OSR1: variants seen among roughly 807,000 people sequenced by gnomAD.
The protein encoded by OSR1 is odd-skipped related transcription factor 1, also known as protein odd-skipped-related 1.
Under a neutral mutation model 15.7 loss-of-function variants are expected in OSR1, and 3 were observed. That is an observed-to-expected ratio of 0.19 (90% confidence interval 0.09 to 0.50). The LOEUF (loss-of-function observed/expected upper bound fraction) is 0.50. Ranked by LOEUF, OSR1 falls within the 20% of genes least tolerant of loss-of-function variation. OSR1 has a pLI of 0.97. For synonymous variants in OSR1, 166 were observed against 152.7 expected, an observed-to-expected ratio of 1.09 and a Z score of -0.64; for missense variants, 271 against 351.1, an observed-to-expected ratio of 0.77 and a Z score of 1.82.
At chr2:19,353,886 C>T in intron 1 of OSR1, 49 bp from the exon 2 acceptor site, 1 of 1,432,888 alleles carries the variant, frequency 7.0e-7, no homozygotes, top group Non-Finnish European at 9.3e-7. Context: ...TAAAGAAGTT[C>T]AGGGTGGGTC....
chr2:19,349,542 G>A (rs78842761), downstream of OSR1, among the ~76,000 whole-genome samples: 1,165 of 152,336 alleles, frequency 7.6e-3, 16 homozygotes, highest in African/African-American at 0.027. Flanking sequence ...TTCAGTTGCA[G>A]ACCTTGGACT....
chr2:19,346,975 T>C (rs574048973), downstream of OSR1, among the ~76,000 whole-genome samples: 53 of 152,328 alleles, frequency 3.5e-4, no homozygotes, highest in African/African-American at 1.2e-3. Context: ...CATAGGGCCA[T>C]GACACATCAT....
At chr2:19,347,180 G>C (rs1387951730), downstream of OSR1, among the ~76,000 whole-genome samples, 3 of 152,174 alleles carry the variant, frequency 2.0e-5, no homozygotes, top group South Asian at 2.1e-4. Context: ...TTGGGAGGCA[G>C]GCTACGTCAA....
chr2:19,353,574 T>C lies in OSR1; in HGVS notation c.232A>G (p.Ser78Gly). 1 of 1,614,180 alleles carries C rather than the reference T, an allele frequency of 6.2e-7. No homozygotes were observed. Among genetic ancestry groups the C allele is most frequent in the Non-Finnish European group, 8.5e-7 (1 of 1,180,020 alleles). The change falls in exon 2 of 3, where the codon AGC (serine) becomes GGC (glycine). Residue 78 changes from serine to glycine, a missense_variant. By Grantham distance (56) the Ser-to-Gly change is moderately conservative. Transcript: ENST00000272223. ...SFSKVPGTVS[S>G]LVDARFQLPA... ...AGCTGGAAGCGCGCATCCACCAAGC[T>C]GGACACCGTGCCCGGCACTTTGGAG...
intron 1 of OSR1, chr2:19,355,739 A>G (rs1164485855): frequency 2.6e-5 from 4 of 152,282 alleles, no homozygotes; most frequent in African/African-American, 9.6e-5. Context: ...TCTGAAGCAG[A>G]GCGCTGGTGC....
chr2:19,356,039 A>C (rs1049584803), intron 1 of OSR1: 1 of 152,150 alleles, frequency 6.6e-6, no homozygotes, highest in Admixed American at 6.6e-5. Flanking sequence ...CGGGTCCCGG[A>C]CCCCGCTGGG....
At position 19,353,364 on chromosome 2, in the gene OSR1, C is replaced by A. The variant is rs1267644701; in HGVS notation, c.442G>T (p.Gly148Cys). The A allele has an allele frequency of 6.2e-7, 1 of 1,614,186 alleles. No homozygotes were observed. Among genetic ancestry groups the A allele is most frequent in the Non-Finnish European group, 8.5e-7 (1 of 1,180,010 alleles). ...EGPGSPAGGLGALLDVTKLSP... is the reference protein window; with the variant it reads ...EGPGSPAGGLCALLDVTKLSP... ...AGCTTGGTCACGTCGAGGAGGGCAC[C>A]CAGCCCACCTGCAGGGGAGCCTGGG... Residue 148 changes from glycine to cysteine, a missense_variant, in exon 2 of 3, where the codon GGT becomes TGT. Physicochemically the swap from Gly to Cys is radical, Grantham distance 159. This residue lies in a region of OSR1 where 210 missense variants were observed against 218.4 expected (regional missense o/e 0.96). Coordinates refer to ENST00000272223, the MANE Select transcript of OSR1 (RefSeq NM_145260.3).
intron 1 of OSR1, 90 bp from the exon 2 acceptor site, chr2:19,353,927 C>T (rs1257460659): frequency 1.9e-6 from 2 of 1,076,530 alleles, no homozygotes; most frequent in East Asian, 5.2e-5. Context: ...CCGAGCCACA[C>T]CCTCTCCTCA....
intron 1 of OSR1, chr2:19,355,051 C>T (rs45567034): frequency 5.9e-5 from 9 of 152,254 alleles, no homozygotes; most frequent in Admixed American, 5.2e-4. Context: ...AAATGCTTTT[C>T]ATCTCTACCT....
chr2:19,348,095 C>A (rs1318080683), downstream of OSR1, among the ~76,000 whole-genome samples: 1 of 152,010 alleles, frequency 6.6e-6, no homozygotes, highest in South Asian at 2.1e-4. Context: ...CCGCAGTGGG[C>A]GCGGCCATAG....
chr2:19,345,920 T>C, the OSR1 span, among the ~76,000 whole-genome samples: 3 of 152,248 alleles, frequency 2.0e-5, no homozygotes, highest in South Asian at 4.1e-4. Flanking sequence ...CCAAATTCTC[T>C]GGAAGTTCAT....
chr2:19,349,902 C>T (rs1298588108), downstream of OSR1, among the ~76,000 whole-genome samples: 1 of 152,184 alleles, frequency 6.6e-6, no homozygotes, highest in Non-Finnish European at 1.5e-5. Context: ...GCAGTTGACC[C>T]TAGTACAAGC....
the OSR1 span, among the ~76,000 whole-genome samples, chr2:19,345,035 ATATATATAATTTTTGTATATATG>A: frequency 1.3e-5 from 2 of 152,158 alleles, no homozygotes; most frequent in African/African-American, 4.8e-5. Context: ...ATGTGTGTAC[ATATATATAATTTTTGTATATATG>A]TATATATAAT....
downstream of OSR1, among the ~76,000 whole-genome samples, chr2:19,348,014 C>T (rs182268744): frequency 5.3e-4 from 81 of 152,378 alleles, no homozygotes; most frequent in African/African-American, 1.9e-3. Flanking sequence ...ACTCCGGCAC[C>T]AGCAGCACTG....
chr2:19,353,893 G>A lies in OSR1; in HGVS notation c.-32-56C>T, dbSNP rs928284019. ...GAGAGGAATAAAGAAGTTCAGGGTG[G>A]GTCGCCTTCCTCCTGAATTCCAGCC... On this transcript the variant is annotated intron_variant, in intron 1 of 2. Coordinates refer to ENST00000272223, the MANE Select transcript of OSR1 (RefSeq NM_145260.3). 9.3e-6 allele frequency: 13 copies of A among 1,400,042 alleles called. No homozygotes were observed. The Admixed American group carries it at 9.7e-5, about 10-fold the overall frequency. The allele number at this position is 1,400,042 out of a possible 1,614,324, so 86.7% of individuals were successfully genotyped here. A position where few individuals can be genotyped will look rare whatever the true frequency, so the allele number is the denominator to read the frequency against.
rs1208331541 is a variant in OSR1 at position 19,352,182 on chromosome 2, G to T, written c.*93C>A. On this transcript the variant is annotated 3_prime_UTR_variant, in exon 3 of 3. Transcript: ENST00000272223. ...TGGAGAGGTGGAAGGTCCCGAGCGA[G>T]CGCCTCTCCCGCTGCCCGCCAGAGT... 2 of 1,420,500 alleles carry T rather than the reference G, an allele frequency of 1.4e-6. No homozygotes were observed. The highest frequency in any genetic ancestry group is 2.0e-5 in the Admixed American group (1 of 49,574). The allele number at this position is 1,420,500 out of a possible 1,614,324, so 88.0% of individuals were successfully genotyped here. A position where few individuals can be genotyped will look rare whatever the true frequency, so the allele number is the denominator to read the frequency against.
rs1285580637 is a variant in OSR1, at chr2:19,357,084, CA to C, written c.-33+1256del. 1.3e-5 allele frequency among the ~76,000 whole-genome samples: 2 copies of C among 152,168 alleles called. No homozygotes were observed. Among genetic ancestry groups the C allele is most frequent in the Non-Finnish European group, 2.9e-5 (2 of 68,030 alleles). On this transcript the variant is annotated intron_variant, in intron 1 of 2. Transcript: ENST00000272223. This position sits in a 1 kb window ranked among gnomAD's most constrained non-coding sequence, Gnocchi z 5.0. ...GGATACTTCTATAGCATTCTCCCAA[CA>C]AACGAGATCTAACGAACCCATTGGC...
downstream of OSR1, among the ~76,000 whole-genome samples, chr2:19,347,186 G>A (rs72780059): frequency 2.3e-3 from 347 of 152,292 alleles, 1 homozygote; most frequent in Non-Finnish European, 3.6e-3. Flanking sequence ...GGCAGGCTAC[G>A]TCAAAATGCT....
Position 19,357,684 on chromosome 2 carries a change from G to A in OSR1, c.-33+657C>T, listed in dbSNP as rs1664978462. On this transcript the variant is annotated intron_variant, in intron 1 of 2. Coordinates refer to ENST00000272223, the MANE Select transcript of OSR1 (RefSeq NM_145260.3). The surrounding 1 kb of genome is among the most constrained non-coding windows in gnomAD (Gnocchi z 5.0). ...CCACTGCATTGCCTCCCTGCACCAG[G>A]ACAATCAAGGGTTCCGCTCCAGGCC... 6.6e-6 allele frequency: 1 copy of A among 152,322 alleles called. No individual in the cohort carries two copies. Among genetic ancestry groups the A allele is most frequent in the African/African-American group, 2.4e-5 (1 of 41,442 alleles). The allele number at this position is 152,322 out of a possible 1,614,324, so 9.4% of individuals were successfully genotyped here.
Sources: allele counts gnomAD v4.1 joint callset (sites outside exome capture counted in the v4.1 genomes callset), GRCh38; gene constraint gnomAD v4.1.1; regional missense constraint gnomAD v4.1.1; non-coding constraint Gnocchi (gnomAD v3.1); transcripts MANE v1.5; gene names NCBI Gene and HGNC (gene_info 2026-07-23, HGNC 2026-07-21).